NPAS3: variants seen among roughly 807,000 people sequenced by gnomAD.
NPAS3 encodes the protein neuronal PAS domain protein 3.
A neutral mutation model predicts 73.1 loss-of-function variants in NPAS3; 14 were observed. The observed-to-expected ratio is 0.19, with a 90% confidence interval of 0.13 to 0.30. The LOEUF (loss-of-function observed/expected upper bound fraction) is 0.30, where lower values mean the gene tolerates loss of function less well. Ranked by LOEUF, NPAS3 falls within the 10% of genes least tolerant of loss-of-function variation. NPAS3 has a pLI of 1.00. For missense variants in NPAS3, 1,096 were observed against 1,250.0 expected (o/e 0.88, Z 1.86); for synonymous variants, 620 against 541.5 (o/e 1.14, Z -2.01).
intron 4 of NPAS3, among the ~76,000 whole-genome samples, chr14:33,403,432 A>G (rs1225776919): frequency 6.6e-6 from 1 of 152,110 alleles, no homozygotes; most frequent in Non-Finnish European, 1.5e-5. Context: ...AGATTATAAA[A>G]TGTTTAGTGA....
intron 5 of NPAS3, among the ~76,000 whole-genome samples, chr14:33,645,016 G>C (rs1278191709): frequency 1.3e-5 from 2 of 151,362 alleles, no homozygotes; most frequent in East Asian, 3.9e-4. Flanking sequence ...GGAAGGTGGA[G>C]GTTGCAATGA....
chr14:33,409,549 A>G (rs2047824632), intron 4 of NPAS3, among the ~76,000 whole-genome samples: 2 of 152,180 alleles, frequency 1.3e-5, no homozygotes, highest in African/African-American at 4.8e-5. Flanking sequence ...TTAATAGAAA[A>G]AAATTCATAG....
intron 1 of NPAS3, among the ~76,000 whole-genome samples, chr14:32,986,259 G>A (rs1244379176): frequency 1.3e-5 from 2 of 152,142 alleles, no homozygotes; most frequent in African/African-American, 4.8e-5. Context: ...CTTGTGTTTT[G>A]AGAACAGGGT....
intron 2 of NPAS3, among the ~76,000 whole-genome samples, chr14:33,202,506 A>G (rs2046656611): frequency 6.6e-6 from 1 of 152,190 alleles, no homozygotes; most frequent in Non-Finnish European, 1.5e-5. Context: ...GATTTTTATG[A>G]GAGGACTAAG....
intron 3 of NPAS3, among the ~76,000 whole-genome samples, chr14:33,353,418 C>A (rs1325762591): frequency 1.3e-5 from 2 of 152,192 alleles, no homozygotes; most frequent in African/African-American, 4.8e-5. Context: ...ACTCCAAAAG[C>A]AATTCCAAGT....
At chr14:33,411,313 G>T in intron 4 of NPAS3, among the ~76,000 whole-genome samples, 1 of 152,154 alleles carries the variant, frequency 6.6e-6, no homozygotes, top group East Asian at 1.9e-4. Flanking sequence ...CTCCCAAGTG[G>T]CTGGGATTAC....
Position 32,982,500 on chromosome 14 carries a change from A to T in NPAS3, c.50+43134A>T, listed in dbSNP as rs574368132. Among the ~76,000 whole-genome samples, 28 of 152,236 alleles carry T rather than the reference A, an allele frequency of 1.8e-4. 1 individual carries two copies. Among genetic ancestry groups the T allele is most frequent in the Admixed American group, 9.8e-4 (15 of 15,280 alleles). ...AGAGGCAGGAGGATTGCTTGAGCCCAGGAGTTTGAGACCAACCTGGGCAAC... is the reference window on the plus strand; with the variant it reads ...AGAGGCAGGAGGATTGCTTGAGCCCTGGAGTTTGAGACCAACCTGGGCAAC... On this transcript the variant is annotated intron_variant, in intron 1 of 11. Coordinates refer to ENST00000356141, the Ensembl canonical transcript of NPAS3.
chr14:33,754,532 A>G (rs1490535352), intron 7 of NPAS3, among the ~76,000 whole-genome samples: 3 of 152,292 alleles, frequency 2.0e-5, no homozygotes, highest in African/African-American at 2.4e-5. Context: ...TGGCGGTAGC[A>G]TGGTCAGAGG....
chr14:33,215,489 G>A (rs1275380833), intron 3 of NPAS3, 63 bp downstream of exon 3: 2 of 1,551,760 alleles, frequency 1.3e-6, no homozygotes, highest in Non-Finnish European at 8.9e-7. Context: ...AAGACAAAAT[G>A]TTTACCATCA....
chr14:33,643,443 A>C (rs2058735588), intron 5 of NPAS3, among the ~76,000 whole-genome samples: 1 of 151,240 alleles, frequency 6.6e-6, no homozygotes, highest in Admixed American at 6.6e-5. Flanking sequence ...TAAAGTTAGC[A>C]GCACTGCTAA....
intron 2 of NPAS3, among the ~76,000 whole-genome samples, chr14:33,174,127 A>G (rs2045498529): frequency 6.6e-6 from 1 of 152,230 alleles, no homozygotes; most frequent in Non-Finnish European, 1.5e-5. Context: ...GATTTAATTA[A>G]TAGTCTATAA....
chr14:33,166,205 G>A (rs1051192571), intron 2 of NPAS3, among the ~76,000 whole-genome samples: 1 of 152,084 alleles, frequency 6.6e-6, no homozygotes, highest in Non-Finnish European at 1.5e-5. Flanking sequence ...CCTTAATAAT[G>A]TTTAATCAAG....
chr14:33,113,148 A>G (rs1049549248), intron 2 of NPAS3, among the ~76,000 whole-genome samples: 3 of 152,202 alleles, frequency 2.0e-5, no homozygotes, highest in East Asian at 1.9e-4. Context: ...TTGGCAATGC[A>G]GGCTCTTTTT....
intron 2 of NPAS3, among the ~76,000 whole-genome samples, chr14:33,117,382 T>C (rs2043103563): frequency 6.6e-6 from 1 of 152,130 alleles, no homozygotes; most frequent in Non-Finnish European, 1.5e-5. Flanking sequence ...GGACTCTGCC[T>C]CTGCTGAAGG....
At position 33,556,450 on chromosome 14, in the gene NPAS3, GT is replaced by G. The variant is rs563409184; in HGVS notation, c.469-3670del. On this transcript the variant is annotated intron_variant, in intron 4 of 11. Coordinates refer to ENST00000356141, the Ensembl canonical transcript of NPAS3. ...AAGAAAATAATTTCCATCCTTACTA[GT>G]CATTATGGTATTTGTGATATAAGGA... Among the ~76,000 whole-genome samples, 35 of 152,260 alleles carry G rather than the reference GT, an allele frequency of 2.3e-4. No homozygotes were observed. In the East Asian group the frequency reaches 6.8e-3, roughly 29 times the overall value.
At chr14:33,712,722 G>A (rs1351183354) in intron 6 of NPAS3, among the ~76,000 whole-genome samples, 7 of 152,152 alleles carry the variant, frequency 4.6e-5, no homozygotes. Context: ...GGCTACACCA[G>A]GCTGCAGAAT....
chr14:32,967,324 G>A (rs1419173056), intron 1 of NPAS3, among the ~76,000 whole-genome samples: 1 of 152,174 alleles, frequency 6.6e-6, no homozygotes, highest in East Asian at 1.9e-4. Context: ...TACAAAGTAT[G>A]TGGAAATCAA....
chr14:33,774,231 G>A (rs1468974777), intron 7 of NPAS3, 106 bp from the exon 8 acceptor site: 5 of 800,154 alleles, frequency 6.2e-6, no homozygotes, highest in Non-Finnish European at 4.1e-6. Flanking sequence ...GAAGATACAA[G>A]CTAATGTTGG....
At chr14:33,777,395 G>A (rs8015337) in intron 8 of NPAS3, among the ~76,000 whole-genome samples, 79,140 of 151,940 alleles carry the variant, frequency 0.52, 20,772 homozygotes, top group Middle Eastern at 0.59. Context: ...AAATTCACTC[G>A]ATGGGTAATA....
Sources: allele counts gnomAD v4.1 joint callset (sites outside exome capture counted in the v4.1 genomes callset), GRCh38; gene constraint gnomAD v4.1.1; transcripts MANE v1.5; gene names NCBI Gene and HGNC (gene_info 2026-07-23, HGNC 2026-07-21).